The following EGFR variants were observed in gnomAD, a reference collection of about 807,000 sequenced individuals.
EGFR encodes the protein epidermal growth factor receptor.
A neutral mutation model predicts 143.0 loss-of-function variants in EGFR; 58 were observed. That is an observed-to-expected ratio of 0.41 (90% confidence interval 0.33 to 0.50). The LOEUF is 0.50. Among genes scored for constraint, EGFR ranks in the 20% least tolerant of loss-of-function variants. The pLI, the probability that EGFR is intolerant of heterozygous loss-of-function variation, is 0.39. For missense variants in EGFR, 1,307 were observed against 1,579.0 expected, an observed-to-expected ratio of 0.83 and a Z score of 2.92; for synonymous variants, 613 against 594.4, an observed-to-expected ratio of 1.03 and a Z score of -0.45.
chr7:55,105,019 T>C (rs986671531), intron 1 of EGFR, among the ~76,000 whole-genome samples: 7 of 152,258 alleles, frequency 4.6e-5, no homozygotes, highest in African/African-American at 1.7e-4. Context: ...TTTTGCCTGA[T>C]ATAGTCACTT....
chr7:55,204,303 TACACACGCCAC>T (rs1364349673), intron 27 of EGFR, among the ~76,000 whole-genome samples: 1 of 112,458 alleles, frequency 8.9e-6, no homozygotes, highest in African/African-American at 3.5e-5. Flanking sequence ...ACCACACATG[TACACACGCCAC>T]ACACACACAT....
chr7:55,126,548 C>T (rs985118516), intron 1 of EGFR, among the ~76,000 whole-genome samples: 1 of 152,178 alleles, frequency 6.6e-6, no homozygotes, highest in Admixed American at 6.5e-5. Flanking sequence ...GAAGCCAGGA[C>T]CCATGCATTC....
At chr7:55,182,089 AG>A (rs1186638604) in intron 20 of EGFR, 2 of 161,790 alleles carry the variant, frequency 1.2e-5, no homozygotes, top group Non-Finnish European at 2.7e-5. Context: ...ACAACAAGCC[AG>A]GTATTTCACA....
intron 24 of EGFR, chr7:55,200,749 C>T (rs1787811628): frequency 6.1e-6 from 3 of 495,654 alleles, no homozygotes; most frequent in Middle Eastern, 5.5e-4. Context: ...CTTCACACCC[C>T]TGACTCTCCA....
chr7:55,145,711 A>G (rs1169640896), intron 3 of EGFR, among the ~76,000 whole-genome samples: 2 of 152,198 alleles, frequency 1.3e-5, no homozygotes, highest in East Asian at 1.9e-4. Context: ...AAAGTCACAG[A>G]TGCTCATTGC....
intron 1 of EGFR, among the ~76,000 whole-genome samples, chr7:55,038,107 A>G (rs1202517206): frequency 2.0e-5 from 3 of 152,104 alleles, no homozygotes; most frequent in African/African-American, 7.2e-5. Context: ...TAGAAGGGAG[A>G]TAGGAAAGCG....
intron 27 of EGFR, among the ~76,000 whole-genome samples, chr7:55,203,377 C>T (rs927885399): frequency 7.0e-6 from 1 of 143,688 alleles, no homozygotes; most frequent in Non-Finnish European, 1.5e-5. Context: ...TACATACACA[C>T]CACACATACA....
intron 22 of EGFR, 21 bp from the exon 23 acceptor site, chr7:55,198,696 T>C (rs752531744): frequency 1.2e-6 from 2 of 1,614,210 alleles, no homozygotes; most frequent in South Asian, 2.2e-5. Context: ...ACTGCCTTCT[T>C]TTCTTGCTTC....
At chr7:55,181,217 A>G (rs2128958025) in intron 19 of EGFR, 76 bp from the exon 20 acceptor site, 1 of 1,537,082 alleles carries the variant, frequency 6.5e-7, no homozygotes, top group Non-Finnish European at 9.0e-7. Context: ...ATGCGTCTTC[A>G]CCTGGAAGGG....
At chr7:55,192,895 A>C (rs761369672) in intron 22 of EGFR, 54 bp downstream of exon 22, 32 of 1,484,410 alleles carry the variant, frequency 2.2e-5, no homozygotes, top group Non-Finnish European at 3.0e-5. Context: ...GCTGGCTTTT[A>C]TTGTTAGTTA....
intron 1 of EGFR, among the ~76,000 whole-genome samples, chr7:55,037,092 T>G (rs1369161247): frequency 6.6e-6 from 1 of 152,232 alleles, no homozygotes. Flanking sequence ...TGAGCCCTGA[T>G]CCTTACACTA....
At chr7:55,109,794 AAAC>A in intron 1 of EGFR, 1 of 985,456 alleles carries the variant, frequency 1.0e-6, no homozygotes. Context: ...CAGCAAATGA[AAAC>A]AAAAATATAA....
At chr7:55,085,235 T>C (rs1467862975) in intron 1 of EGFR, among the ~76,000 whole-genome samples, 1 of 152,210 alleles carries the variant, frequency 6.6e-6, no homozygotes, top group Non-Finnish European at 1.5e-5. Flanking sequence ...AGCAGACACA[T>C]TGTCAGTGGT....
intron 24 of EGFR, chr7:55,200,784 G>C (rs17290685): frequency 2.1e-6 from 1 of 479,062 alleles, no homozygotes; most frequent in Non-Finnish European, 3.8e-6. Flanking sequence ...CCAGGCAGCC[G>C]ATCCACCTAT....
At chr7:55,176,294 G>C (rs1292119015) in intron 19 of EGFR, among the ~76,000 whole-genome samples, 1 of 152,206 alleles carries the variant, frequency 6.6e-6, no homozygotes, top group East Asian at 1.9e-4. Context: ...GTTGTGCTTT[G>C]GGAAGGAAGC....
rs778238294 is a variant in EGFR, at chr7:55,151,266, A to C, written c.560-28A>C. On this transcript the variant is annotated intron_variant, in intron 4 of 27. Coordinates refer to ENST00000275493, the MANE Select transcript of EGFR (RefSeq NM_005228.5). ...ATCAGTTTCTCATCATTTCACTGAG[A>C]TATGCATCTATTACTTTTACATTTC... The C allele has an allele frequency of 3.7e-6, 6 of 1,610,898 alleles. No homozygotes were observed. The South Asian group carries it at 5.5e-5, about 15-fold the overall frequency.
rs2128944675 is a variant in EGFR, at chr7:55,163,765, G to A, written c.1664G>A (p.Cys555Tyr). ...EPREFVENSE[C>Y]IQCHPECLPQ... ...AGGGAGTTTGTGGAGAACTCTGAGT[G>A]CATACAGTGCCACCCAGAGTGCCTG... Residue 555 changes from cysteine to tyrosine, a missense_variant, in exon 14 of 28, where the codon TGC becomes TAC. Around this residue, in one of 7 missense-constraint regions of EGFR, gnomAD observed 250 missense variants for 295.1 expected, o/e 0.85. Coordinates refer to ENST00000275493, the MANE Select transcript of EGFR (RefSeq NM_005228.5). 1 of 1,614,212 alleles carries A rather than the reference G, an allele frequency of 6.2e-7. No individual in the cohort carries two copies. The highest frequency in any genetic ancestry group is 8.5e-7 in the Non-Finnish European group (1 of 1,180,030).
At chr7:55,139,939 C>A (rs916160792) in intron 1 of EGFR, among the ~76,000 whole-genome samples, 1 of 152,034 alleles carries the variant, frequency 6.6e-6, no homozygotes, top group African/African-American at 2.4e-5. Flanking sequence ...GTTATACATG[C>A]TAATTGTAGA....
At chr7:55,170,381 G>A (rs371909721) in intron 15 of EGFR, 2 of 1,614,124 alleles carry the variant, frequency 1.2e-6, no homozygotes, top group South Asian at 2.2e-5. Context: ...AGTAATGATG[G>A]CAGCGTGTCC....
Sources: gnomAD v4.1 joint callset for allele counts (sites outside exome capture counted in the v4.1 genomes callset) on GRCh38, gnomAD v4.1.1 for gene constraint, gnomAD v4.1.1 regional missense constraint, MANE v1.5 for transcripts, NCBI Gene and HGNC (gene_info 2026-07-23, HGNC 2026-07-21) for gene names.